LYN: variants seen among roughly 807,000 people sequenced by gnomAD.
LYN encodes the protein tyrosine-protein kinase Lyn.
Under a neutral mutation model 65.0 loss-of-function variants are expected in LYN, and 12 were observed. The observed-to-expected ratio is 0.18, with a 90% CI of 0.12 to 0.30. The LOEUF is 0.30. Among genes scored for constraint, LYN ranks in the 10% least tolerant of loss-of-function variants. The probability of loss-of-function intolerance (pLI) is 1.00; values close to 1 mark genes in which losing one functional copy is unlikely to be tolerated. For synonymous variants in LYN, 222 were observed against 221.2 expected, an observed-to-expected ratio of 1.00 and a Z score of -0.03; for missense variants, 380 against 623.2, an observed-to-expected ratio of 0.61 and a Z score of 4.16.
chr8:55,931,814 C>T (rs572168935), intron 1 of LYN, among the ~76,000 whole-genome samples: 33 of 152,192 alleles, frequency 2.2e-4, no homozygotes, highest in African/African-American at 6.3e-4. Flanking sequence ...AATGTTACAC[C>T]GTACCAGAAG....
intron 6 of LYN, among the ~76,000 whole-genome samples, chr8:55,951,637 C>T (rs987521454): frequency 6.6e-6 from 1 of 150,840 alleles, no homozygotes; most frequent in Non-Finnish European, 1.5e-5. Context: ...TCTACTCTAG[C>T]CTGGGTGACA....
intron 1 of LYN, among the ~76,000 whole-genome samples, chr8:55,897,540 C>T (rs1805152003): frequency 6.6e-6 from 1 of 152,074 alleles, no homozygotes; most frequent in Admixed American, 6.6e-5. Flanking sequence ...TAACAGAAAA[C>T]CTACTACTAC....
At chr8:55,880,469 C>A (rs1232393880) in intron 1 of LYN, among the ~76,000 whole-genome samples, 1 of 152,204 alleles carries the variant, frequency 6.6e-6, no homozygotes, top group Non-Finnish European at 1.5e-5. Flanking sequence ...CCGGCCGCTT[C>A]TCGCACACAG....
intron 10 of LYN, among the ~76,000 whole-genome samples, chr8:55,987,281 C>T (rs566524168): frequency 8.6e-5 from 13 of 151,656 alleles, no homozygotes; most frequent in South Asian, 2.1e-4. Flanking sequence ...AGTGTGGTGG[C>T]GAGTAGGTCC....
intron 1 of LYN, among the ~76,000 whole-genome samples, chr8:55,937,643 G>A (rs1806473497): frequency 6.6e-6 from 1 of 152,160 alleles, no homozygotes; most frequent in Non-Finnish European, 1.5e-5. Flanking sequence ...GGCATTGCTA[G>A]ATTTTATGAA....
intron 10 of LYN, among the ~76,000 whole-genome samples, chr8:55,992,750 G>A (rs188053180): frequency 1.7e-4 from 26 of 152,242 alleles, no homozygotes; most frequent in Middle Eastern, 3.4e-3. Flanking sequence ...AGATCAAGGC[G>A]CCAGTAGATA....
chr8:55,964,950 T>G (rs1807404496), intron 8 of LYN, among the ~76,000 whole-genome samples: 1 of 152,122 alleles, frequency 6.6e-6, no homozygotes, highest in South Asian at 2.1e-4. Flanking sequence ...ATAGGGCAGG[T>G]GCTATCCAGC....
chr8:55,969,869 TG>T (rs1393723688), intron 10 of LYN, 76 bp downstream of exon 10: 38 of 1,233,144 alleles, frequency 3.1e-5, no homozygotes, highest in Non-Finnish European at 4.3e-5. Flanking sequence ...AAGGAGTTAT[TG>T]TTCCAGGGAG....
At chr8:55,882,325 G>A (rs992025600) in intron 1 of LYN, among the ~76,000 whole-genome samples, 12 of 152,190 alleles carry the variant, frequency 7.9e-5, no homozygotes, top group Non-Finnish European at 1.6e-4. Flanking sequence ...GTCCAGCACT[G>A]TTCAATGACT....
chr8:55,934,534 C>T (rs941562429), intron 1 of LYN, among the ~76,000 whole-genome samples: 1 of 152,194 alleles, frequency 6.6e-6, no homozygotes, highest in Non-Finnish European at 1.5e-5. Context: ...GGACACCCAC[C>T]GTGCAAGTGC....
chr8:55,902,597 A>G (rs1232142077), intron 1 of LYN: 1 of 293,738 alleles, frequency 3.4e-6, no homozygotes, highest in East Asian at 7.7e-5. Flanking sequence ...ATCAATATAT[A>G]GCATACAAAA....
At chr8:55,881,312 C>A (rs1259297422) in intron 1 of LYN, among the ~76,000 whole-genome samples, 1 of 152,136 alleles carries the variant, frequency 6.6e-6, no homozygotes, top group Non-Finnish European at 1.5e-5. Context: ...CAAAGCAGGG[C>A]CCAGTAGTCT....
intron 1 of LYN, among the ~76,000 whole-genome samples, chr8:55,886,856 GT>G (rs1317495260): frequency 2.0e-5 from 3 of 152,112 alleles, no homozygotes; most frequent in Non-Finnish European, 4.4e-5. Flanking sequence ...TTAAATATTT[GT>G]TTTCTTTTTA....
chr8:55,971,040 G>C (rs1439403607), intron 10 of LYN, among the ~76,000 whole-genome samples: 1 of 152,244 alleles, frequency 6.6e-6, no homozygotes, highest in African/African-American at 2.4e-5. Context: ...CAGTAAAGGT[G>C]TGTGATGGGT....
At chr8:55,924,187 A>G (rs1346508104) in intron 1 of LYN, among the ~76,000 whole-genome samples, 2 of 151,886 alleles carry the variant, frequency 1.3e-5, no homozygotes, top group Admixed American at 6.6e-5. Flanking sequence ...ACCTCTCACG[A>G]TGTGTGAGAG....
intron 1 of LYN, among the ~76,000 whole-genome samples, chr8:55,889,159 G>A (rs1400890711): frequency 1.3e-5 from 2 of 152,144 alleles, no homozygotes; most frequent in Admixed American, 1.3e-4. Flanking sequence ...AGGATTACAG[G>A]CCCCGCCACC....
At chr8:55,976,706 T>G (rs914603214) in intron 10 of LYN, among the ~76,000 whole-genome samples, 14 of 152,112 alleles carry the variant, frequency 9.2e-5, no homozygotes, top group Admixed American at 8.5e-4. Context: ...GAAGGTGGGC[T>G]TCCTGGAGGA....
intron 10 of LYN, among the ~76,000 whole-genome samples, chr8:55,974,470 T>A (rs1807697788): frequency 6.6e-6 from 1 of 152,152 alleles, no homozygotes; most frequent in Admixed American, 6.5e-5. Flanking sequence ...CTCGACCTTT[T>A]TGAGTAGGAG....
chr8:55,994,209 A>T (rs1217914662), intron 10 of LYN, among the ~76,000 whole-genome samples: 1 of 152,232 alleles, frequency 6.6e-6, no homozygotes, highest in Non-Finnish European at 1.5e-5. Context: ...GAATGAATTA[A>T]TTTTATATAA....
Sources: allele counts gnomAD v4.1 joint callset (sites outside exome capture counted in the v4.1 genomes callset), GRCh38; gene constraint gnomAD v4.1.1; transcripts MANE v1.5; gene names NCBI Gene and HGNC (gene_info 2026-07-23, HGNC 2026-07-21).